Variants in SETD1A observed in about 807,000 individuals in gnomAD.
The protein encoded by SETD1A is SET domain containing 1A, histone lysine methyltransferase.
A neutral mutation model predicts 149.9 loss-of-function variants in SETD1A; 29 were observed. That is an observed-to-expected ratio of 0.19 (90% CI 0.14 to 0.26). The LOEUF (loss-of-function observed/expected upper bound fraction) is 0.26, where lower values mean the gene tolerates loss of function less well. Among genes scored for constraint, SETD1A ranks in the 10% least tolerant of loss-of-function variants. The probability of loss-of-function intolerance (pLI) is 1.00; values close to 1 mark genes in which losing one functional copy is unlikely to be tolerated. For missense variants in SETD1A, 2,109 were observed against 2,353.1 expected (o/e 0.90, Z 2.15); for synonymous variants, 1,141 against 968.5 (o/e 1.18, Z -3.31).
Position 30,980,107 on chromosome 16 carries a change from A to C in SETD1A, c.4321A>C (p.Ser1441Arg). ...CTCGGGCCTGGACTCAGAGGACATG[A>C]GTTACCTGCGGCTTACGTACGAGCG... is the stretch of plus-strand genomic sequence containing the variant. ...WNSGLDSEDMSYLRLTYERLL... is the reference protein window; with the variant it reads ...WNSGLDSEDMRYLRLTYERLL... Residue 1441 changes from serine to arginine, a missense_variant, in exon 14 of 19, where the codon AGT becomes CGT. This residue lies in a region of SETD1A where 254 missense variants were observed against 409.3 expected (regional missense o/e 0.62). Transcript: ENST00000262519. The surrounding 1 kb of genome is among the most constrained non-coding windows in gnomAD (Gnocchi z 7.7). The C allele has an allele frequency of 6.2e-7, 1 of 1,613,350 alleles. No homozygotes were observed. The highest frequency in any genetic ancestry group is 1.3e-5 in the African/African-American group (1 of 74,916).
At chr16:30,977,731 G>A (rs1436422686) in intron 13 of SETD1A, among the ~76,000 whole-genome samples, 1 of 152,218 alleles carries the variant, frequency 6.6e-6, no homozygotes, top group African/African-American at 2.4e-5. Context: ...TAGAGCCTAA[G>A]GTGCAGCCAA....
chr16:30,971,791 TTTA>T, intron 13 of SETD1A, 72 bp downstream of exon 13: 9 of 1,487,218 alleles, frequency 6.1e-6, no homozygotes, highest in Non-Finnish European at 7.2e-6. Context: ...GGTGCTTGCA[TTTA>T]TTGTGTACAA....
intron 5 of SETD1A, 85 bp from the exon 6 acceptor site, chr16:30,964,009 A>C: frequency 4.6e-6 from 5 of 1,077,514 alleles, no homozygotes; most frequent in Non-Finnish European, 6.8e-6. Flanking sequence ...AAAAAAGGGA[A>C]CTAGGATTCC....
chr16:30,968,079 A>G (rs1457158169), intron 10 of SETD1A, among the ~76,000 whole-genome samples: 1 of 152,116 alleles, frequency 6.6e-6, no homozygotes, highest in Non-Finnish European at 1.5e-5. Flanking sequence ...CCGACCAGAA[A>G]ATGATACAAG....
chr16:30,979,991 G>GGCC lies in SETD1A; in HGVS notation c.4205_4206insGCC (p.Pro1412dup). 3 of 1,279,652 alleles carry GGCC rather than the reference G, an allele frequency of 2.3e-6. No individual in the cohort carries two copies. The highest frequency in any genetic ancestry group is 3.1e-6 in the Non-Finnish European group (3 of 969,368). 79.3% of individuals were successfully genotyped at this position (1,279,652 alleles called of 1,614,324 possible). A position where few individuals can be genotyped will look rare whatever the true frequency, so the allele number is the denominator to read the frequency against. On this transcript the variant is annotated inframe_insertion, in exon 14 of 19. Coordinates refer to ENST00000262519, the MANE Select transcript of SETD1A (RefSeq NM_014712.3). ...CTCCGCTCCCACGCCCGGCGCCGCC[G>GGCC]CCCTCCGCCCCCACCCCCGCCGCCA...
Position 30,964,865 on chromosome 16 carries a change from C to A in SETD1A, c.1123C>A (p.Arg375Ser). 1 of 1,614,208 alleles carries A rather than the reference C, an allele frequency of 6.2e-7. No homozygotes were observed. Among genetic ancestry groups the A allele is most frequent in the Non-Finnish European group, 8.5e-7 (1 of 1,180,034 alleles). Reference protein sequence around the residue: ...NYPAYYESWNRYQRHTSYPPR... With the variant: ...NYPAYYESWNSYQRHTSYPPR... ...CCCAGCGTATTATGAAAGCTGGAAT[C>A]GCTACCAGCGCCATACTTCCTACCC... The change falls in exon 7 of 19, where the codon CGC becomes AGC. Residue 375 changes from arginine (R) to serine (S), a missense_variant. Around this residue, in one of 8 missense-constraint regions of SETD1A, gnomAD observed 410 missense variants for 394.8 expected, o/e 1.04. Transcript: ENST00000262519.
chr16:30,974,233 T>C (rs975264953), intron 13 of SETD1A, among the ~76,000 whole-genome samples: 20 of 151,776 alleles, frequency 1.3e-4, no homozygotes, highest in African/African-American at 4.6e-4. Flanking sequence ...ATGAGTGTAG[T>C]TGAGGTTGCA....
chr16:30,966,506 C>T, intron 8 of SETD1A, 120 bp downstream of exon 8: 1 of 1,407,484 alleles, frequency 7.1e-7, no homozygotes, highest in Non-Finnish European at 9.4e-7. Flanking sequence ...AGAGAGGCCG[C>T]AGGCCCTGCA....
intron 13 of SETD1A, among the ~76,000 whole-genome samples, chr16:30,975,073 G>A (rs2056267891): frequency 6.6e-6 from 1 of 152,070 alleles, no homozygotes; most frequent in Non-Finnish European, 1.5e-5. Context: ...GCTTGAACCG[G>A]GGAAGCAGAA....
At chr16:30,978,915 T>TC (rs1187254923) in intron 13 of SETD1A, among the ~76,000 whole-genome samples, 2 of 152,192 alleles carry the variant, frequency 1.3e-5, no homozygotes, top group African/African-American at 2.4e-5. Flanking sequence ...GTGTGTGGAC[T>TC]CCGAGTGTCC....
chr16:30,970,985 A>G (rs2056216873), intron 12 of SETD1A, among the ~76,000 whole-genome samples: 1 of 152,176 alleles, frequency 6.6e-6, no homozygotes, highest in African/African-American at 2.4e-5. Flanking sequence ...TCCTTCGTCC[A>G]GACTGGGTCC....
Position 30,964,792 on chromosome 16 carries a change from A to C in SETD1A, c.1050A>C (p.Ser350=), listed in dbSNP as rs2056112999. Residue 350 remains serine (S), a synonymous_variant, in exon 7 of 19, where the codon TCA becomes TCC. Transcript: ENST00000262519. ...CCTCATTGTCCTCGTCCTCCTCGTC[A>C]TCCTCTTCCTCCTCGTCCTCTCAGT... ...SSSSLSSSSS[S]SSSSSSSQFR... 6.2e-7 allele frequency: 1 copy of C among 1,613,922 alleles called. No homozygotes were observed. The highest frequency in any genetic ancestry group is 8.5e-7 in the Non-Finnish European group (1 of 1,179,906).
intron 10 of SETD1A, 104 bp downstream of exon 10, chr16:30,967,692 G>A: frequency 4.5e-6 from 4 of 886,532 alleles, no homozygotes; most frequent in Non-Finnish European, 7.4e-6. Flanking sequence ...GGCACAGCCA[G>A]GTGGAGGTGC....
In SETD1A at chr16:30,969,388, CAGG is replaced by C. The variant is rs1425271335; in HGVS notation, c.2855_2857del (p.Gln952_Gly953delinsArg). The C allele has an allele frequency of 6.2e-7, 1 of 1,614,142 alleles. No individual in the cohort carries two copies. The highest frequency in any genetic ancestry group is 1.7e-5 in the Admixed American group (1 of 60,016). ...GCGGGACGAAGAGCGAGGCAAGACC[CAGG>C]GCAAGCACCGCAAGTCCTTTGCTCT... On this transcript the variant is annotated inframe_deletion, in exon 11 of 19. Coordinates refer to ENST00000262519, the MANE Select transcript of SETD1A (RefSeq NM_014712.3).
Position 30,979,728 on chromosome 16 carries a change from C to T in SETD1A, c.3942C>T (p.Ala1314=), listed in dbSNP as rs776833102. 6.3e-7 allele frequency: 1 copy of T among 1,599,662 alleles called. No homozygotes were observed. The highest frequency in any genetic ancestry group is 1.7e-5 in the Admixed American group (1 of 59,820). The change falls in exon 14 of 19, where the codon GCC becomes GCT. Residue 1314 remains alanine (A), a synonymous_variant. Coordinates refer to ENST00000262519, the MANE Select transcript of SETD1A (RefSeq NM_014712.3). ...LAVKPTPPAP[A]LRPPEPVPAP... ...TCAAGCCCACGCCCCCTGCGCCAGC[C>T]CTGCGGCCCCCGGAGCCAGTGCCCG...
At position 30,983,617 on chromosome 16, in the gene SETD1A, C is replaced by T. The variant is rs369828944; in HGVS notation, c.4813-18C>T. 8.1e-6 allele frequency: 13 copies of T among 1,608,054 alleles called. No individual in the cohort carries two copies. The highest frequency in any genetic ancestry group is 2.7e-5 in the African/African-American group (2 of 74,868). On this transcript the variant is annotated intron_variant, in intron 17 of 18. Transcript: ENST00000262519. The surrounding 1 kb of genome is among the most constrained non-coding windows in gnomAD (Gnocchi z 6.8). The stretch of plus-strand genomic sequence containing the variant: ...AAGTGGGGGACTCTTCCCTGACCAT[C>T]GCATCTCACCCTGGCAGATGGTGGC...
Position 30,983,771 on chromosome 16 carries a change from C to T in SETD1A, c.4949C>T (p.Thr1650Met), listed in dbSNP as rs960158188. The T allele has an allele frequency of 1.1e-5, 17 of 1,613,994 alleles. No homozygotes were observed. Among genetic ancestry groups the T allele is most frequent in the African/African-American group, 5.3e-5 (4 of 75,052 alleles). Residue 1650 changes from threonine (T) to methionine (M), a missense_variant and splice_region_variant, in exon 18 of 19, where the codon ACG (threonine) becomes ATG (methionine). Physicochemically the swap from Thr to Met is moderately conservative, Grantham distance 81 (BLOSUM62 -1). This residue lies in a region of SETD1A where 254 missense variants were observed against 409.3 expected (regional missense o/e 0.62). Coordinates refer to ENST00000262519, the MANE Select transcript of SETD1A (RefSeq NM_014712.3). This position sits in a 1 kb window ranked among gnomAD's most constrained non-coding sequence, Gnocchi z 6.8. ...NLARFINHCC[T>M]PNCYAKVITI... Reference sequence around the variant, plus strand: ...GCCAGATTCATCAACCACTGCTGCACGGTGCGCCAGGGGCCAGCCGGGGCA... The same window carrying T: ...GCCAGATTCATCAACCACTGCTGCATGGTGCGCCAGGGGCCAGCCGGGGCA...
intron 12 of SETD1A, among the ~76,000 whole-genome samples, chr16:30,970,501 C>G (rs560387811): frequency 1.3e-5 from 2 of 152,256 alleles, no homozygotes; most frequent in East Asian, 3.9e-4. Flanking sequence ...CTCATGACCT[C>G]AAGTGATCCA....
At chr16:30,968,825 C>T (rs1219238652) in intron 10 of SETD1A, among the ~76,000 whole-genome samples, 2 of 151,222 alleles carry the variant, frequency 1.3e-5, no homozygotes, top group East Asian at 3.9e-4. Flanking sequence ...TATATATATG[C>T]CAGGCACGAT....
Sources: gnomAD v4.1 joint callset for allele counts (sites outside exome capture counted in the v4.1 genomes callset) on GRCh38, gnomAD v4.1.1 for gene constraint, gnomAD v4.1.1 regional missense constraint, Gnocchi (gnomAD v3.1) non-coding constraint, MANE v1.5 for transcripts, NCBI Gene and HGNC (gene_info 2026-07-23, HGNC 2026-07-21) for gene names.